Variants in LRPPRC observed in about 807,000 individuals in gnomAD.
LRPPRC encodes the protein leucine rich pentatricopeptide repeat containing, also known as leucine-rich PPR motif-containing protein, mitochondrial.
LRPPRC carries 120 observed loss-of-function variants against 180.3 expected under a neutral mutation model. The observed-to-expected ratio is 0.67, with a 90% CI of 0.57 to 0.77. The LOEUF (loss-of-function observed/expected upper bound fraction) is 0.77. Among genes scored for constraint, LRPPRC ranks in the 30% least tolerant of loss-of-function variants. The probability of loss-of-function intolerance (pLI) is 0.00; values close to 1 mark genes in which losing one functional copy is unlikely to be tolerated. For missense variants in LRPPRC, 2,012 were observed against 1,657.2 expected, an observed-to-expected ratio of 1.21 and a Z score of -3.72; for synonymous variants, 723 against 600.0, an observed-to-expected ratio of 1.21 and a Z score of -3.00.
chr2:43,960,576 G>A lies in LRPPRC; in HGVS notation c.1547C>T (p.Ala516Val), dbSNP rs1294325794. Reference protein sequence around the residue: ...MFSQAGLRSEAANGNLDFVLS... With the variant: ...MFSQAGLRSEVANGNLDFVLS... The stretch of plus-strand genomic sequence containing the variant: ...TACAAAGTCTAAGTTCCCATTTGCT[G>A]CTTCACTTCTCAATCCAGCTTGAGA... The change falls in exon 13 of 38, where the codon GCA (alanine) becomes GTA (valine). Residue 516 changes from alanine (A) to valine (V), a missense_variant. Transcript: ENST00000260665. The A allele has an allele frequency of 8.1e-6, 13 of 1,604,824 alleles. No homozygotes were observed. The highest frequency in any genetic ancestry group is 1.0e-5 in the Non-Finnish European group (12 of 1,172,852).
At chr2:43,889,666 T>G in intron 37 of LRPPRC, 68 bp downstream of exon 37, 1 of 1,238,638 alleles carries the variant, frequency 8.1e-7, no homozygotes, top group Non-Finnish European at 1.2e-6. Context: ...CTTATTTTCT[T>G]ACACATTGTT....
At chr2:43,933,186 GAGA>G (rs1672151745) in intron 25 of LRPPRC, among the ~76,000 whole-genome samples, 1 of 152,196 alleles carries the variant, frequency 6.6e-6, no homozygotes, top group Admixed American at 6.5e-5. Flanking sequence ...AAAATGGAAA[GAGA>G]AGAAAGTTCT....
chr2:43,945,976 A>T, intron 21 of LRPPRC, 137 bp downstream of exon 21: 1 of 912,590 alleles, frequency 1.1e-6, no homozygotes, highest in South Asian at 1.4e-5. Context: ...TATAATACGA[A>T]ATTTCAAAAA....
At chr2:43,968,528 T>C (rs1262277642) in intron 11 of LRPPRC, among the ~76,000 whole-genome samples, 2 of 152,152 alleles carry the variant, frequency 1.3e-5, no homozygotes, top group East Asian at 3.8e-4. Flanking sequence ...CTTAGATCAG[T>C]ATGTCAAACT....
chr2:43,956,350 T>C (rs1673113901), intron 14 of LRPPRC, among the ~76,000 whole-genome samples: 1 of 152,204 alleles, frequency 6.6e-6, no homozygotes, highest in Non-Finnish European at 1.5e-5. Context: ...ACAGTATTGT[T>C]AATTTTTTCA....
At chr2:43,992,116 A>T (rs1674807906) in intron 1 of LRPPRC, among the ~76,000 whole-genome samples, 1 of 152,170 alleles carries the variant, frequency 6.6e-6, no homozygotes, top group Non-Finnish European at 1.5e-5. Context: ...TTAGTGATAC[A>T]CGGTCTAAGA....
chr2:43,974,931 C>T (rs951680231), intron 7 of LRPPRC, among the ~76,000 whole-genome samples, 160 bp downstream of exon 7: 2 of 151,970 alleles, frequency 1.3e-5, no homozygotes, highest in Non-Finnish European at 2.9e-5. Context: ...TACATACCAG[C>T]ACCGAGATAC....
At chr2:43,917,274 C>T (rs897425497) in intron 29 of LRPPRC, among the ~76,000 whole-genome samples, 6 of 151,780 alleles carry the variant, frequency 4.0e-5, no homozygotes, top group South Asian at 2.1e-4. Context: ...CTCTTGACTT[C>T]GTGATCTGCC....
chr2:43,986,983 C>T (rs921792955), intron 1 of LRPPRC, among the ~76,000 whole-genome samples: 4 of 152,164 alleles, frequency 2.6e-5, no homozygotes, highest in Admixed American at 2.6e-4. Flanking sequence ...AATTTATCTC[C>T]TACGTTTTCA....
intron 14 of LRPPRC, among the ~76,000 whole-genome samples, chr2:43,954,195 A>C (rs188360486): frequency 1.1e-3 from 160 of 152,348 alleles, no homozygotes; most frequent in Non-Finnish European, 1.6e-3. Context: ...TTAAAAAAAA[A>C]CATATTTCAC....
At chr2:43,940,551 A>C (rs139541939) in intron 23 of LRPPRC, among the ~76,000 whole-genome samples, 1,839 of 152,228 alleles carry the variant, frequency 0.012, 34 homozygotes, top group African/African-American at 0.043. Context: ...ACAGATTATA[A>C]CACAAACCAG....
intron 1 of LRPPRC, among the ~76,000 whole-genome samples, chr2:43,985,221 A>C (rs1674478526): frequency 6.6e-6 from 1 of 152,088 alleles, no homozygotes. Context: ...TAGTGTTTTT[A>C]GGTTTATAGA....
intron 34 of LRPPRC, among the ~76,000 whole-genome samples, chr2:43,898,532 T>G (rs544069380): frequency 6.6e-6 from 1 of 152,302 alleles, no homozygotes; most frequent in African/African-American, 2.4e-5. Context: ...ACATTGCCAG[T>G]GGCAGCTAGG....
chr2:43,959,599 T>C (rs921257563), intron 13 of LRPPRC, among the ~76,000 whole-genome samples: 1 of 152,190 alleles, frequency 6.6e-6, no homozygotes, highest in Non-Finnish European at 1.5e-5. Context: ...GAACGTCTTA[T>C]TTATTAATTA....
chr2:43,975,250 C>T (rs765788745), intron 6 of LRPPRC, 33 bp from the exon 7 acceptor site: 11 of 1,595,150 alleles, frequency 6.9e-6, no homozygotes, highest in Non-Finnish European at 9.4e-6. Flanking sequence ...GATTATTATG[C>T]TTTTGCCAAA....
chr2:43,971,211 A>G (rs192707881), intron 11 of LRPPRC, among the ~76,000 whole-genome samples: 8 of 151,726 alleles, frequency 5.3e-5, no homozygotes, highest in Middle Eastern at 3.4e-3. Context: ...TCTCATTTCT[A>G]TGTTTTCTAA....
rs151327512 is a variant in LRPPRC, at chr2:43,950,514, A to G, written c.1677+59T>C. ...CATGATAAAAATTATTACATAACCTATGGTATTGGCTTGTAACGTTAAAAG... is the reference window on the plus strand; with the variant it reads ...CATGATAAAAATTATTACATAACCTGTGGTATTGGCTTGTAACGTTAAAAG... On this transcript the variant is annotated intron_variant, in intron 15 of 37. Transcript: ENST00000260665. The G allele has an allele frequency of 1.2e-5, 16 of 1,379,224 alleles. No individual in the cohort carries two copies. The African/African-American group carries it at 1.7e-4, about 15-fold the overall frequency. 85.4% of individuals were successfully genotyped at this position (1,379,224 alleles called of 1,614,324 possible).
chr2:43,930,237 G>A (rs1310205476), intron 25 of LRPPRC, among the ~76,000 whole-genome samples: 4 of 151,502 alleles, frequency 2.6e-5, no homozygotes, highest in African/African-American at 7.3e-5. Context: ...CAGATAGGGA[G>A]AGAGGGAAAA....
In LRPPRC at chr2:43,979,853, T is replaced by C. The variant is rs138378033; in HGVS notation, c.442A>G (p.Arg148Gly). The C allele has an allele frequency of 6.2e-7, 1 of 1,613,208 alleles. No homozygotes were observed. ...KLEERTEFAH[R>G]IWDTLQKLGA... ...AATTTCTGAAGTGTGTCCCATATCC[T>C]ATGAGCAAATTCTGTTCTCTCTTCA... The change falls in exon 3 of 38, where the codon AGG (arginine) becomes GGG (glycine). Residue 148 changes from arginine to glycine, a missense_variant. Coordinates refer to ENST00000260665, the MANE Select transcript of LRPPRC (RefSeq NM_133259.4).
Sources: gnomAD v4.1 joint callset for allele counts (sites outside exome capture counted in the v4.1 genomes callset) on GRCh38, gnomAD v4.1.1 for gene constraint, MANE v1.5 for transcripts, NCBI Gene and HGNC (gene_info 2026-07-23, HGNC 2026-07-21) for gene names.